Variants in SCNN1A observed in about 807,000 individuals in gnomAD.
SCNN1A encodes epithelial sodium channel subunit alpha.
In SCNN1A, 65 loss-of-function variants were observed where a neutral mutation model predicts 68.6. The ratio of observed to expected loss-of-function variants is 0.95; its 90% CI spans 0.78 to 1.16. The LOEUF (loss-of-function observed/expected upper bound fraction) is 1.16, where lower values mean the gene tolerates loss of function less well. Ranked by LOEUF, SCNN1A falls within the 50% of genes most tolerant of loss-of-function variation. The probability of loss-of-function intolerance (pLI) is 0.00; values close to 1 mark genes in which losing one functional copy is unlikely to be tolerated. For synonymous variants in SCNN1A, 357 were observed against 353.3 expected, an observed-to-expected ratio of 1.01 and a Z score of -0.12; for missense variants, 880 against 865.9, an observed-to-expected ratio of 1.02 and a Z score of -0.20.
rs1948623446 is a variant in SCNN1A, at chr12:6,363,703, C to T, written c.424G>A (p.Glu142Lys). The change falls in exon 3 of 13, where the codon GAA becomes AAA. Residue 142 changes from glutamate to lysine, a missense_variant. Around this residue, in one of 3 missense-constraint regions of SCNN1A, gnomAD observed 758 missense variants for 721.8 expected, o/e 1.05. Transcript: ENST00000228916. ...AGCTCCTCCAGCTCCTCTTTAATTTCCGGGTACCTGAAGGGGCGAGGGGAA... is the reference window on the plus strand; with the variant it reads ...AGCTCCTCCAGCTCCTCTTTAATTTTCGGGTACCTGAAGGGGCGAGGGGAA... ...ICTLNPYRYPEIKEELEELDR... is the reference protein window; with the variant it reads ...ICTLNPYRYPKIKEELEELDR... The T allele has an allele frequency of 6.3e-7, 1 of 1,597,830 alleles. No homozygotes were observed. The highest frequency in any genetic ancestry group is 1.4e-5 in the African/African-American group (1 of 73,536).
chr12:6,348,024 T>TG lies in SCNN1A; in HGVS notation c.1858dup (p.His620ProfsTer111). On this transcript the variant is annotated frameshift_variant, in exon 13 of 13. Transcript: ENST00000228916. LOFTEE classifies it low-confidence loss of function (END_TRUNC). ...CTGGGACAAGGACAGAGACATGGGGTGGGGGCAGAAGTGGGAAGGAGGGGA... is the reference window on the plus strand; with the variant it reads ...CTGGGACAAGGACAGAGACATGGGGTGGGGGGCAGAAGTGGGAAGGAGGGGA... The TG allele has an allele frequency of 1.9e-6, 3 of 1,598,298 alleles. No homozygotes were observed. Among genetic ancestry groups the TG allele is most frequent in the Non-Finnish European group, 2.6e-6 (3 of 1,172,314 alleles).
intron 2 of SCNN1A, among the ~76,000 whole-genome samples, chr12:6,364,372 C>G (rs1948639843): frequency 6.6e-6 from 1 of 152,164 alleles, no homozygotes; most frequent in Admixed American, 6.5e-5. Flanking sequence ...GTAGCAGGGC[C>G]TGAGGGATGT....
intron 3 of SCNN1A, 64 bp from the exon 4 acceptor site, chr12:6,362,305 A>G: frequency 7.0e-7 from 1 of 1,423,902 alleles, no homozygotes; most frequent in Non-Finnish European, 9.9e-7. Context: ...GGCAGGGCCA[A>G]GGGCAAAGAA....
chr12:6,355,371 C>T lies in SCNN1A; in HGVS notation c.1044G>A (p.Gly348=), dbSNP rs1321446732. Reference sequence around the variant, plus strand: ...CCTGCCCGTGCACCATTACCCGGGCCCCAGTCACTGTGGACAGCAGGGGAA... The same window carrying T: ...CCTGCCCGTGCACCATTACCCGGGCTCCAGTCACTGTGGACAGCAGGGGAA... ...DFIPLLSTVT[G]ARVMVHGQDE... The change falls in exon 6 of 13, where the codon GGG becomes GGA. Residue 348 remains glycine, a synonymous_variant. Coordinates refer to ENST00000228916, the MANE Select transcript of SCNN1A (RefSeq NM_001038.6). 2 of 1,614,038 alleles carry T rather than the reference C, an allele frequency of 1.2e-6. No individual in the cohort carries two copies. The highest frequency in any genetic ancestry group is 1.7e-5 in the Admixed American group (1 of 60,002).
At chr12:6,355,575 G>C in intron 5 of SCNN1A, 140 bp from the exon 6 acceptor site, 2 of 1,093,678 alleles carry the variant, frequency 1.8e-6, no homozygotes, top group Non-Finnish European at 2.7e-6. Flanking sequence ...AAAGGGACCT[G>C]GCAACCCCTG....
chr12:6,354,777 G>T lies in SCNN1A; in HGVS notation c.1215C>A (p.Asn405Lys). Residue 405 changes from asparagine (N) to lysine (K), a missense_variant, in exon 7 of 13, where the codon AAC (asparagine) becomes AAA (lysine). By Grantham distance (94) the Asn-to-Lys change is moderately conservative. Around this residue, in one of 3 missense-constraint regions of SCNN1A, gnomAD observed 758 missense variants for 721.8 expected, o/e 1.05. Coordinates refer to ENST00000228916, the MANE Select transcript of SCNN1A (RefSeq NM_001038.6). ...GCTGTGTGTACTTTGAAGGGTAAAG[G>T]TTCTCAACAGGAACATCACTGCCAT... ...TKNGSDVPVE[N>K]LYPSKYTQQV... 1 of 1,613,918 alleles carries T rather than the reference G, an allele frequency of 6.2e-7. No individual in the cohort carries two copies. The highest frequency in any genetic ancestry group is 1.1e-5 in the South Asian group (1 of 91,056).
At chr12:6,358,226 C>G (rs141302379) in intron 4 of SCNN1A, among the ~76,000 whole-genome samples, 1 of 152,296 alleles carries the variant, frequency 6.6e-6, no homozygotes, top group African/African-American at 2.4e-5. Flanking sequence ...GCTGTATTAG[C>G]TCACTAGTAC....
At chr12:6,360,203 A>G (rs958905236) in intron 4 of SCNN1A, among the ~76,000 whole-genome samples, 2 of 152,248 alleles carry the variant, frequency 1.3e-5, no homozygotes, top group Non-Finnish European at 2.9e-5. Context: ...ATTTGGAGGC[A>G]AAAGAACGCA....
At chr12:6,369,085 A>G (rs1304865124) in intron 2 of SCNN1A, among the ~76,000 whole-genome samples, 1 of 152,004 alleles carries the variant, frequency 6.6e-6, no homozygotes, top group Non-Finnish European at 1.5e-5. Flanking sequence ...TTTCCACCAC[A>G]TCCTGGCTGG....
chr12:6,362,086 G>C lies in SCNN1A; in HGVS notation c.840C>G (p.Phe280Leu). ...AGGAGACCTGGTTGAAGCGGCAGGCGAAGATGAAGTTGCCCAGCGTGTCCT... is the reference window on the plus strand; with the variant it reads ...AGGAGACCTGGTTGAAGCGGCAGGCCAAGATGAAGTTGCCCAGCGTGTCCT... ...LEEDTLGNFIFACRFNQVSCN... is the reference protein window; with the variant it reads ...LEEDTLGNFILACRFNQVSCN... The change falls in exon 4 of 13, where the codon TTC becomes TTG. Residue 280 changes from phenylalanine to leucine, a missense_variant. Physicochemically the swap from Phe to Leu is conservative, Grantham distance 22 (BLOSUM62 0). Transcript: ENST00000228916. The C allele has an allele frequency of 6.2e-7, 1 of 1,614,238 alleles. No homozygotes were observed. Among genetic ancestry groups the C allele is most frequent in the Non-Finnish European group, 8.5e-7 (1 of 1,180,040 alleles).
Position 6,354,563 on chromosome 12 carries a change from G to A in SCNN1A, c.1243-8C>T. The A allele has an allele frequency of 1.3e-6, 2 of 1,596,066 alleles. No individual in the cohort carries two copies. The highest frequency in any genetic ancestry group is 1.7e-6 in the Non-Finnish European group (2 of 1,163,746). On this transcript the variant is annotated splice_region_variant and splice_polypyrimidine_tract_variant and intron_variant, in intron 7 of 12. Transcript: ENST00000228916. ...GCAGGAGTGAATACACACCTGGAAGGGAGGAGGGTGGAGAGGAGAGGGGGT... is the reference window on the plus strand; with the variant it reads ...GCAGGAGTGAATACACACCTGGAAGAGAGGAGGGTGGAGAGGAGAGGGGGT...
intron 8 of SCNN1A, chr12:6,353,792 T>C (rs1268420832): frequency 7.4e-6 from 1 of 135,208 alleles, no homozygotes; most frequent in African/African-American, 3.0e-5. Context: ...GGTTTCACCG[T>C]GTTAGCCAGG....
rs1948281570 is a variant in SCNN1A at position 6,347,709 on chromosome 12, G to A, written c.*164C>T. On this transcript the variant is annotated 3_prime_UTR_variant, in exon 13 of 13. Coordinates refer to ENST00000228916, the MANE Select transcript of SCNN1A (RefSeq NM_001038.6). ...GGCAGCTTCATCAGCTACTGTTCTT[G>A]GAGCAACTTCCTGAGCCCTTACCCA... 2 of 669,016 alleles carry A rather than the reference G, an allele frequency of 3.0e-6. No homozygotes were observed. Among genetic ancestry groups the A allele is most frequent in the Non-Finnish European group, 5.3e-6 (2 of 374,196 alleles). The allele number at this position is 669,016 out of a possible 1,614,324, so 41.4% of individuals were successfully genotyped here. A position where few individuals can be genotyped will look rare whatever the true frequency, so the allele number is the denominator to read the frequency against.
chr12:6,370,864 C>A (rs1010663957), intron 2 of SCNN1A, among the ~76,000 whole-genome samples: 3 of 152,184 alleles, frequency 2.0e-5, no homozygotes, highest in Admixed American at 6.5e-5. Context: ...TTCAAGAACC[C>A]CAAGTTCTTG....
chr12:6,369,554 C>T lies in SCNN1A; in HGVS notation c.416+4814G>A, dbSNP rs573803978. 1.4e-4 allele frequency among the ~76,000 whole-genome samples: 22 copies of T among 152,226 alleles called. No individual in the cohort carries two copies. In the East Asian group the frequency reaches 2.5e-3, roughly 17 times the overall value. The stretch of plus-strand genomic sequence containing the variant: ...TTGGCATAAGATAAGACGGAATGGC[C>T]GGGCGCGGTGGCTCACGCCTATAAT... On this transcript the variant is annotated intron_variant, in intron 2 of 12. Transcript: ENST00000228916.
intron 8 of SCNN1A, among the ~76,000 whole-genome samples, chr12:6,352,206 G>A (rs1447121823): frequency 6.6e-6 from 1 of 151,890 alleles, no homozygotes; most frequent in Admixed American, 6.6e-5. Flanking sequence ...AAATGTATGG[G>A]ATATAAATTA....
chr12:6,362,298 A>C, intron 3 of SCNN1A, 57 bp from the exon 4 acceptor site: 2 of 1,451,370 alleles, frequency 1.4e-6, no homozygotes, highest in Non-Finnish European at 1.9e-6. Flanking sequence ...GCCCCTTGGC[A>C]GGGCCAAGGG....
upstream of SCNN1A, chr12:6,376,273 G>T: frequency 1.3e-6 from 1 of 774,552 alleles, no homozygotes. Flanking sequence ...ACCTTGTCCA[G>T]ACCCGGGAGG....
At chr12:6,375,682 G>C (rs1948894410), upstream of SCNN1A, 4 of 1,460,964 alleles carry the variant, frequency 2.7e-6, no homozygotes, top group Admixed American at 4.8e-5. Context: ...GGTGAACTGG[G>C]AGTACTGGAC....
Sources: allele counts gnomAD v4.1 joint callset (sites outside exome capture counted in the v4.1 genomes callset), GRCh38; gene constraint gnomAD v4.1.1; regional missense constraint gnomAD v4.1.1; transcripts MANE v1.5; gene names NCBI Gene and HGNC (gene_info 2026-07-23, HGNC 2026-07-21).